The following CHD1 variants were observed in gnomAD, a reference collection of about 807,000 sequenced individuals.
The protein encoded by CHD1 is chromodomain helicase DNA binding protein 1.
Under a neutral mutation model 224.2 loss-of-function variants are expected in CHD1, and 36 were observed. The ratio of observed to expected loss-of-function variants is 0.16; its 90% CI spans 0.12 to 0.21. The LOEUF (loss-of-function observed/expected upper bound fraction) is 0.21. Among genes scored for constraint, CHD1 ranks in the 10% least tolerant of loss-of-function variants. The probability of loss-of-function intolerance (pLI) is 1.00; values close to 1 mark genes in which losing one functional copy is unlikely to be tolerated. For synonymous variants in CHD1, 668 were observed against 658.3 expected, an observed-to-expected ratio of 1.01 and a Z score of -0.23; for missense variants, 1,378 against 1,994.8, an observed-to-expected ratio of 0.69 and a Z score of 5.89.
chr5:98,883,373 C>A (rs1056040996), intron 18 of CHD1, 136 bp from the exon 19 acceptor site: 4 of 486,568 alleles, frequency 8.2e-6, no homozygotes, highest in African/African-American at 4.0e-5. Context: ...CAAAAAGACT[C>A]CAAAATCAAA....
At chr5:98,924,362 T>A (rs1486430701) in intron 2 of CHD1, among the ~76,000 whole-genome samples, 1 of 152,260 alleles carries the variant, frequency 6.6e-6, no homozygotes, top group Non-Finnish European at 1.5e-5. Context: ...AAGCTCAGAT[T>A]CAAAAGTCTT....
At chr5:98,883,065 A>G in intron 19 of CHD1, 23 bp downstream of exon 19, 1 of 1,374,278 alleles carries the variant, frequency 7.3e-7, no homozygotes, top group Non-Finnish European at 9.6e-7. Flanking sequence ...CAGCAATATA[A>G]TATAAATTAA....
intron 29 of CHD1, among the ~76,000 whole-genome samples, chr5:98,870,442 T>G (rs928601772): frequency 1.3e-5 from 2 of 151,572 alleles, no homozygotes; most frequent in African/African-American, 4.9e-5. Context: ...TCTCTATCCC[T>G]CTCTAAAACT....
At position 98,882,961 on chromosome 5, in the gene CHD1, C is replaced by G. The variant is rs181877245; in HGVS notation, c.2718+127G>C. On this transcript the variant is annotated intron_variant, in intron 19 of 35. Transcript: ENST00000614616. ...TTGGTAAACCAAGCTCCTCAGTATCCTATCGGTTAAACAGTAGTATGACTG... is the reference window on the plus strand; with the variant it reads ...TTGGTAAACCAAGCTCCTCAGTATCGTATCGGTTAAACAGTAGTATGACTG... The G allele has an allele frequency of 4.7e-3, 2,638 of 556,392 alleles. 13 individuals are homozygous for G. Among genetic ancestry groups the G allele is most frequent in the Non-Finnish European group, 5.6e-3 (2,005 of 358,624 alleles). The allele number at this position is 556,392 out of a possible 1,614,324, so 34.5% of individuals were successfully genotyped here.
At chr5:98,877,201 T>A (rs974633949) in intron 23 of CHD1, among the ~76,000 whole-genome samples, 1 of 151,970 alleles carries the variant, frequency 6.6e-6, no homozygotes, top group Admixed American at 6.6e-5. Flanking sequence ...ATCTAAATAT[T>A]CATCAAAGAG....
rs749783305 is a variant in CHD1 at position 98,869,734 on chromosome 5, G to A, written c.4107+20C>T. On this transcript the variant is annotated intron_variant, in intron 30 of 35. Coordinates refer to ENST00000614616, the MANE Select transcript of CHD1 (RefSeq NM_001270.4). ...TTCCCTTTCCATAGAAAAGGTTGTT[G>A]TTCTAAAACACATTCTTACTTTATC... 5.0e-6 allele frequency: 8 copies of A among 1,610,568 alleles called. No homozygotes were observed. The Admixed American group carries it at 5.0e-5, about 10-fold the overall frequency.
rs1180264955 is a variant in CHD1 at position 98,869,953 on chromosome 5, C to T, written c.3979-71G>A. 5.2e-5 allele frequency: 62 copies of T among 1,188,036 alleles called. 1 individual carries two copies. The South Asian group carries it at 7.5e-4, about 14-fold the overall frequency. 73.6% of individuals were successfully genotyped at this position (1,188,036 alleles called of 1,614,324 possible). On this transcript the variant is annotated intron_variant, in intron 29 of 35. Coordinates refer to ENST00000614616, the MANE Select transcript of CHD1 (RefSeq NM_001270.4). ...TTTAAAAACTTCATAAACATTAAAT[C>T]CAAGGGCTAGAACACATATTCCTAC... is the stretch of plus-strand genomic sequence containing the variant.
At chr5:98,904,061 ATAGT>A (rs1215616141) in intron 3 of CHD1, among the ~76,000 whole-genome samples, 153 bp from the exon 4 acceptor site, 7 of 151,636 alleles carry the variant, frequency 4.6e-5, no homozygotes, top group Admixed American at 1.3e-4. Context: ...TCATTGCAAT[ATAGT>A]TAAATAAAAT....
At chr5:98,885,466 C>A in intron 18 of CHD1, 112 bp downstream of exon 18, 1 of 722,050 alleles carries the variant, frequency 1.4e-6, no homozygotes. Flanking sequence ...TGGCTAACAC[C>A]ACTCTTTTTT....
At chr5:98,898,116 C>T (rs1751462108) in intron 10 of CHD1, 140 bp downstream of exon 10, 1 of 407,968 alleles carries the variant, frequency 2.5e-6, no homozygotes, top group Non-Finnish European at 4.1e-6. Context: ...CAGAAGTTCA[C>T]TTCCTGTAAG....
In CHD1 at chr5:98,858,312, T is replaced by G. The variant is rs772600392; in HGVS notation, c.4655A>C (p.Gln1552Pro). Residue 1552 changes from glutamine (Q) to proline (P), a missense_variant, in exon 35 of 36, where the codon CAG becomes CCG. By Grantham distance (76) the Gln-to-Pro change is moderately conservative (BLOSUM62 -1). This residue lies in a region of CHD1 where 278 missense variants were observed against 298.5 expected (regional missense o/e 0.93). Coordinates refer to ENST00000614616, the MANE Select transcript of CHD1 (RefSeq NM_001270.4). ...DSYSSDRHLT[Q>P]YHDHHKDRHQ... ...TCGGTCTTTATGATGATCATGGTAC[T>G]GAGTTAAGTGTCTATCAGAGGAATA... 6.2e-7 allele frequency: 1 copy of G among 1,613,252 alleles called. No individual in the cohort carries two copies. The highest frequency in any genetic ancestry group is 2.2e-5 in the East Asian group (1 of 44,822).
At position 98,856,627 on chromosome 5, in the gene CHD1, G is replaced by C. The variant is rs767095541; in HGVS notation, c.4886C>G (p.Ser1629Cys). The C allele has an allele frequency of 2.9e-5, 47 of 1,613,090 alleles. No individual in the cohort carries two copies. The highest frequency in any genetic ancestry group is 3.8e-5 in the Non-Finnish European group (45 of 1,179,272). Residue 1629 changes from serine to cysteine, a missense_variant, in exon 36 of 36, where the codon TCT becomes TGT. Physicochemically the swap from Ser to Cys is moderately radical, Grantham distance 112. Transcript: ENST00000614616. ...ATGATCTGAGTGAGAACGATGATCA[G>C]AATGAGATCTATCTTTTAAACTTCC... ...LEGSLKDRSH[S>C]DHRSHSDHRL...
In CHD1 at chr5:98,858,314, A is replaced by C. The variant is rs772646563; in HGVS notation, c.4653T>G (p.Thr1551=). Residue 1551 remains threonine, a synonymous_variant, in exon 35 of 36, where the codon ACT becomes ACG. Coordinates refer to ENST00000614616, the MANE Select transcript of CHD1 (RefSeq NM_001270.4). The stretch of plus-strand genomic sequence containing the variant: ...GGTCTTTATGATGATCATGGTACTG[A>C]GTTAAGTGTCTATCAGAGGAATAAC... ...RDSYSSDRHL[T]QYHDHHKDRH... 6.2e-7 allele frequency: 1 copy of C among 1,613,202 alleles called. No homozygotes were observed. The highest frequency in any genetic ancestry group is 1.7e-5 in the Admixed American group (1 of 60,004).
intron 17 of CHD1, among the ~76,000 whole-genome samples, chr5:98,886,606 G>A (rs1750665797): frequency 6.6e-6 from 1 of 152,008 alleles, no homozygotes. Context: ...CCTTTGCTTT[G>A]TTACTATATG....
Position 98,876,639 on chromosome 5 carries a change from C to G in CHD1, c.3238-81G>C, listed in dbSNP as rs535456390. On this transcript the variant is annotated intron_variant, in intron 23 of 35. Coordinates refer to ENST00000614616, the MANE Select transcript of CHD1 (RefSeq NM_001270.4). ...AGCAAAAACCATTATAAAAGATGGT[C>G]GGAATCTTAAAAATGTTATTAAATG... The G allele has an allele frequency of 5.8e-6, 7 of 1,210,428 alleles. No homozygotes were observed. The East Asian group carries it at 1.7e-4, about 29-fold the overall frequency. 75.0% of individuals were successfully genotyped at this position (1,210,428 alleles called of 1,614,324 possible).
At chr5:98,896,469 G>T (rs369966973) in intron 11 of CHD1, 27 bp from the exon 12 acceptor site, 1 of 1,504,530 alleles carries the variant, frequency 6.6e-7, no homozygotes, top group Non-Finnish European at 9.2e-7. Flanking sequence ...AAATTAGCAT[G>T]CAAGGAAATA....
chr5:98,912,398 G>A (rs1311062969), intron 2 of CHD1, among the ~76,000 whole-genome samples: 3 of 152,126 alleles, frequency 2.0e-5, no homozygotes, highest in African/African-American at 4.8e-5. Flanking sequence ...AACTGGGCAC[G>A]GTGGCTCACA....
intron 2 of CHD1, among the ~76,000 whole-genome samples, chr5:98,923,216 A>G (rs1240051427): frequency 1.3e-5 from 2 of 152,128 alleles, no homozygotes; most frequent in African/African-American, 4.8e-5. Context: ...AAGAAAATGA[A>G]GGCAAAAAAG....
Position 98,902,960 on chromosome 5 carries a change from G to T in CHD1, c.377C>A (p.Ser126Tyr), listed in dbSNP as rs1751817082. ...GTCATCGGAATCTTCACTGCTAGAG[G>T]AATCCTGTAGAAAAGAAATAAAGTC... Reference protein sequence around the residue: ...ASSNSGSEEDSSSSEDSDDSS... With the variant: ...ASSNSGSEEDYSSSEDSDDSS... The change falls in exon 5 of 36, where the codon TCC (serine) becomes TAC (tyrosine). Residue 126 changes from serine to tyrosine, a missense_variant. Physicochemically the swap from Ser to Tyr is moderately radical, Grantham distance 144 (BLOSUM62 -2). Coordinates refer to ENST00000614616, the MANE Select transcript of CHD1 (RefSeq NM_001270.4). 3 of 1,587,274 alleles carry T rather than the reference G, an allele frequency of 1.9e-6. No homozygotes were observed. Among genetic ancestry groups the T allele is most frequent in the Non-Finnish European group, 2.6e-6 (3 of 1,159,244 alleles).
Sources: allele counts gnomAD v4.1 joint callset (sites outside exome capture counted in the v4.1 genomes callset), GRCh38; gene constraint gnomAD v4.1.1; regional missense constraint gnomAD v4.1.1; transcripts MANE v1.5; gene names NCBI Gene and HGNC (gene_info 2026-07-23, HGNC 2026-07-21).